NALF1: variants seen among roughly 807,000 people sequenced by gnomAD.
The protein encoded by NALF1 is family with sequence similarity 155 member A.
Under a neutral mutation model 48.4 loss-of-function variants are expected in NALF1, and 3 were observed. The ratio of observed to expected loss-of-function variants is 0.06; its 90% CI spans 0.03 to 0.16. The LOEUF (loss-of-function observed/expected upper bound fraction) is 0.16. NALF1 is among the 10% of genes least tolerant of loss of function. NALF1 has a pLI of 1.00. For missense variants in NALF1, 526 were observed against 571.5 expected, an observed-to-expected ratio of 0.92 and a Z score of 0.81; for synonymous variants, 262 against 245.7, an observed-to-expected ratio of 1.07 and a Z score of -0.62.
intron 1 of NALF1, among the ~76,000 whole-genome samples, chr13:107,473,901 T>C (rs944482679): frequency 2.6e-5 from 4 of 152,202 alleles, no homozygotes; most frequent in Admixed American, 6.5e-5. Context: ...ACACTGTCCC[T>C]GCACCTGCTT....
intron 1 of NALF1, among the ~76,000 whole-genome samples, chr13:107,241,371 G>T (rs948161346): frequency 2.6e-5 from 4 of 152,160 alleles, no homozygotes; most frequent in African/African-American, 9.7e-5. Flanking sequence ...CTAGCAGATT[G>T]GAGTGGGGTC....
intron 1 of NALF1, among the ~76,000 whole-genome samples, chr13:107,449,979 C>CA (rs1275787729): frequency 2.6e-5 from 4 of 152,178 alleles, no homozygotes; most frequent in African/African-American, 9.6e-5. Flanking sequence ...TTGGCATCAG[C>CA]AATTTTCTTC....
At chr13:107,536,494 G>A (rs1173074573) in intron 1 of NALF1, among the ~76,000 whole-genome samples, 4 of 152,144 alleles carry the variant, frequency 2.6e-5, no homozygotes, top group Admixed American at 2.6e-4. Flanking sequence ...ATCATCACTG[G>A]CCATCAGAGA....
intron 1 of NALF1, among the ~76,000 whole-genome samples, chr13:107,231,787 T>C (rs571402756): frequency 2.6e-5 from 4 of 152,276 alleles, no homozygotes; most frequent in African/African-American, 9.6e-5. Flanking sequence ...TGGCATGAAG[T>C]TAAAGGGGAA....
intron 1 of NALF1, among the ~76,000 whole-genome samples, chr13:107,835,637 C>CT (rs1566500729): frequency 6.6e-6 from 1 of 150,710 alleles, no homozygotes; most frequent in Non-Finnish European, 1.5e-5. Flanking sequence ...ACACACACAC[C>CT]GGTGACTCAG....
chr13:107,490,606 A>G (rs1306927129), intron 1 of NALF1, among the ~76,000 whole-genome samples: 1 of 152,108 alleles, frequency 6.6e-6, no homozygotes, highest in Non-Finnish European at 1.5e-5. Flanking sequence ...AAAATAACTA[A>G]TGGGTACGAG....
chr13:107,319,587 A>C (rs897348924), intron 1 of NALF1, among the ~76,000 whole-genome samples: 3 of 152,124 alleles, frequency 2.0e-5, no homozygotes, highest in African/African-American at 7.2e-5. Context: ...ATATAAAAAG[A>C]AACACATATA....
intron 1 of NALF1, among the ~76,000 whole-genome samples, chr13:107,292,663 G>A (rs537533490): frequency 6.6e-6 from 1 of 152,198 alleles, no homozygotes; most frequent in South Asian, 2.1e-4. Flanking sequence ...CTGTAACAAT[G>A]CCAAAGCCTT....
intron 1 of NALF1, among the ~76,000 whole-genome samples, chr13:107,416,014 T>C (rs9520434): frequency 3.1e-5 from 4 of 129,946 alleles, no homozygotes; most frequent in Non-Finnish European, 3.4e-5. Context: ...TTTTTTTTTC[T>C]TTTTTTTTTT....
intron 1 of NALF1, among the ~76,000 whole-genome samples, chr13:107,551,697 T>A (rs935482693): frequency 1.4e-4 from 21 of 152,256 alleles, no homozygotes; most frequent in African/African-American, 4.6e-4. Context: ...AATATGTGAC[T>A]CTTGCCCTTG....
intron 1 of NALF1, among the ~76,000 whole-genome samples, chr13:107,400,179 C>A (rs1202034107): frequency 6.6e-6 from 1 of 152,000 alleles, no homozygotes; most frequent in Admixed American, 6.6e-5. Context: ...TGCAATCAGG[C>A]ATATTAACAT....
intron 1 of NALF1, among the ~76,000 whole-genome samples, chr13:107,836,748 G>A (rs1879900337): frequency 6.6e-6 from 1 of 152,120 alleles, no homozygotes; most frequent in Non-Finnish European, 1.5e-5. Flanking sequence ...GTGACCTCAG[G>A]TGAGTCTCTC....
intron 1 of NALF1, among the ~76,000 whole-genome samples, chr13:107,853,728 C>T (rs958066795): frequency 6.6e-6 from 1 of 152,098 alleles, no homozygotes; most frequent in South Asian, 2.1e-4. Flanking sequence ...TCCACAGATT[C>T]TGCAGTTATT....
At chr13:107,817,843 G>GC (rs1462424980) in intron 1 of NALF1, among the ~76,000 whole-genome samples, 1 of 95,444 alleles carries the variant, frequency 1.0e-5, no homozygotes, top group Non-Finnish European at 2.4e-5. Context: ...TTGCAATCTG[G>GC]CTTCCATTTG....
chr13:107,372,842 T>C (rs1405727989), intron 1 of NALF1, among the ~76,000 whole-genome samples: 1 of 152,230 alleles, frequency 6.6e-6, no homozygotes, highest in African/African-American at 2.4e-5. Flanking sequence ...TAAACACTCA[T>C]TTAGCTCAGC....
At position 107,817,971 on chromosome 13, in the gene NALF1, T is replaced by C. The variant is rs777094714; in HGVS notation, c.915+47711A>G. 3.0e-4 allele frequency among the ~76,000 whole-genome samples: 45 copies of C among 152,350 alleles called. 1 individual carries two copies. The highest frequency in any genetic ancestry group is 4.0e-4 in the Non-Finnish European group (27 of 68,034). On this transcript the variant is annotated intron_variant, in intron 1 of 2. Coordinates refer to ENST00000375915, the MANE Select transcript of NALF1 (RefSeq NM_001080396.3). ...TAAGATTTATGAATATGCAAAGGAA[T>C]AAGGCAAGCTCTTTGCTTTCAAGGG...
intron 1 of NALF1, among the ~76,000 whole-genome samples, chr13:107,763,732 C>T (rs895185054): frequency 6.6e-6 from 1 of 152,138 alleles, no homozygotes; most frequent in Non-Finnish European, 1.5e-5. Context: ...GATATATCTA[C>T]TAGTAAAATG....
At position 107,342,743 on chromosome 13, in the gene NALF1, A is replaced by C. The variant is rs145068827; in HGVS notation, c.916-131988T>G. Among the ~76,000 whole-genome samples, 51 of 152,338 alleles carry C rather than the reference A, an allele frequency of 3.3e-4. 1 individual carries two copies. The East Asian group carries it at 9.8e-3, about 29-fold the overall frequency. ...CATGGTAACTATAAATAAAACACCTATAGAAGAGATATAAAAGGAAATGTA... is the reference window on the plus strand; with the variant it reads ...CATGGTAACTATAAATAAAACACCTCTAGAAGAGATATAAAAGGAAATGTA... On this transcript the variant is annotated intron_variant, in intron 1 of 2. Coordinates refer to ENST00000375915, the MANE Select transcript of NALF1 (RefSeq NM_001080396.3).
At chr13:107,331,167 T>C (rs746305609) in intron 1 of NALF1, among the ~76,000 whole-genome samples, 1 of 152,204 alleles carries the variant, frequency 6.6e-6, no homozygotes, top group Non-Finnish European at 1.5e-5. Flanking sequence ...CTTTATAATA[T>C]TGAATGAAAA....
Sources: allele counts gnomAD v4.1 joint callset (sites outside exome capture counted in the v4.1 genomes callset), GRCh38; gene constraint gnomAD v4.1.1; transcripts MANE v1.5; gene names NCBI Gene and HGNC (gene_info 2026-07-23, HGNC 2026-07-21).